HSD11B2: variants seen among roughly 807,000 people sequenced by gnomAD.
HSD11B2 encodes 11-beta-hydroxysteroid dehydrogenase type 2.
In HSD11B2, 17 loss-of-function variants were observed where a neutral mutation model predicts 20.9. The ratio of observed to expected loss-of-function variants is 0.81; its 90% CI spans 0.56 to 1.22. The LOEUF is 1.22. HSD11B2 is among the 50% of genes most tolerant of loss of function. HSD11B2 has a pLI of 0.00. For missense variants in HSD11B2, 480 were observed against 563.6 expected (o/e 0.85, Z 1.50); for synonymous variants, 253 against 255.4 (o/e 0.99, Z 0.09).
chr16:67,433,657 C>T (rs772727970), intron 1 of HSD11B2, among the ~76,000 whole-genome samples: 4 of 151,076 alleles, frequency 2.6e-5, no homozygotes, highest in African/African-American at 7.3e-5. Flanking sequence ...GAGGGGGACC[C>T]GGACAAGTGC....
chr16:67,435,975 A>G lies in HSD11B2; in HGVS notation c.497A>G (p.Asn166Ser), dbSNP rs1394390392. ...ACCCCAGGCCTGTGGGGCCTCGTCA[A>G]CAACGCAGGCCACAATGAAGTAGTT... ...TTSTGLWGLV[N>S]NAGHNEVVAD... Residue 166 changes from asparagine (N) to serine (S), a missense_variant, in exon 3 of 5, where the codon AAC becomes AGC. Physicochemically the swap from Asn to Ser is conservative, Grantham distance 46. Around this residue, in one of 2 missense-constraint regions of HSD11B2, gnomAD observed 374 missense variants for 480.9 expected, o/e 0.78. Transcript: ENST00000326152. 2 of 1,614,194 alleles carry G rather than the reference A, an allele frequency of 1.2e-6. No individual in the cohort carries two copies. The highest frequency in any genetic ancestry group is 1.7e-6 in the Non-Finnish European group (2 of 1,180,022).
rs1304261961 is a variant in HSD11B2, at chr16:67,437,031, G to A, written c.*28G>A. ...CATGTGCACCTATGGCCCAGCCACT[G>A]CAGCACAGGAGGCTCCGTGAGCCCT... On this transcript the variant is annotated 3_prime_UTR_variant, in exon 5 of 5. Coordinates refer to ENST00000326152, the MANE Select transcript of HSD11B2 (RefSeq NM_000196.4). The A allele has an allele frequency of 6.2e-7, 1 of 1,602,414 alleles. No individual in the cohort carries two copies. Among genetic ancestry groups the A allele is most frequent in the Non-Finnish European group, 8.5e-7 (1 of 1,178,518 alleles).
rs767338144 is a variant in HSD11B2 at position 67,431,484 on chromosome 16, C to A, written c.236C>A (p.Pro79Gln). 3.6e-6 allele frequency: 5 copies of A among 1,398,610 alleles called. No homozygotes were observed. In the South Asian group the frequency reaches 7.7e-5, roughly 21 times the overall value. 86.6% of individuals were successfully genotyped at this position (1,398,610 alleles called of 1,614,324 possible). ...CGCCTGGCGCGCCCGCAGCGCCTGC[C>A]GGTGGCCACTCGCGCGGTGCTCATC... ...LSRLARPQRL[P>Q]VATRAVLITG... Residue 79 changes from proline to glutamine, a missense_variant, in exon 1 of 5, where the codon CCG becomes CAG. Transcript: ENST00000326152.
At chr16:67,431,114 G>A (rs56265397), upstream of HSD11B2, 2,228 of 288,802 alleles carry the variant, frequency 7.7e-3, 16 homozygotes, top group South Asian at 9.6e-3. Flanking sequence ...GCCCGAGGGC[G>A]AGCAGAGAAA....
At position 67,436,110 on chromosome 16, in the gene HSD11B2, G is replaced by C; in HGVS notation, c.632G>C (p.Arg211Thr). The C allele has an allele frequency of 6.2e-7, 1 of 1,614,018 alleles. No homozygotes were observed. Among genetic ancestry groups the C allele is most frequent in the Non-Finnish European group, 8.5e-7 (1 of 1,179,988 alleles). The change falls in exon 3 of 5, where the codon AGG becomes ACG. Residue 211 changes from arginine to threonine, a missense_variant. Arg to Thr is a moderately conservative substitution (Grantham distance 71). Around this residue, in one of 2 missense-constraint regions of HSD11B2, gnomAD observed 374 missense variants for 480.9 expected, o/e 0.78. Transcript: ENST00000326152. The surrounding 1 kb of genome is among the most constrained non-coding windows in gnomAD (Gnocchi z 5.7). ...CTCCTGCCCCTGCTGCGCAGCTCAAGGGGCCGCATCGTGACTGTGGGGAGC... is the reference window on the plus strand; with the variant it reads ...CTCCTGCCCCTGCTGCGCAGCTCAACGGGCCGCATCGTGACTGTGGGGAGC... ...KGLLPLLRSS[R>T]GRIVTVGSPA...
At chr16:67,430,635 G>GGCGGCA (rs993436145), upstream of HSD11B2, 55 of 154,152 alleles carry the variant, frequency 3.6e-4, no homozygotes, top group East Asian at 3.3e-3. This position sits in a 1 kb window ranked among gnomAD's most constrained non-coding sequence, Gnocchi z 5.4. Flanking sequence ...TACGGGCGCG[G>GGCGGCA]GCGGCAGCGG....
At position 67,436,084 on chromosome 16, in the gene HSD11B2, C is replaced by T; in HGVS notation, c.606C>T (p.Gly202=). The part of the protein sequence containing the change: ...NFFGALELTK[G]LLPLLRSSRG... ...TTGGCGCGCTCGAGCTGACCAAGGG[C>T]CTCCTGCCCCTGCTGCGCAGCTCAA... The change falls in exon 3 of 5, where the codon GGC becomes GGT. Residue 202 remains glycine, a synonymous_variant. Transcript: ENST00000326152. The surrounding 1 kb of genome is among the most constrained non-coding windows in gnomAD (Gnocchi z 5.7). 1 of 1,614,186 alleles carries T rather than the reference C, an allele frequency of 6.2e-7. No homozygotes were observed. The highest frequency in any genetic ancestry group is 8.5e-7 in the Non-Finnish European group (1 of 1,180,040).
Position 67,431,429 on chromosome 16 carries a change from C to A in HSD11B2, c.181C>A (p.Leu61Met), listed in dbSNP as rs1264249559. The change falls in exon 1 of 5, where the codon CTG becomes ATG. Residue 61 changes from leucine (L) to methionine (M), a missense_variant. Coordinates refer to ENST00000326152, the MANE Select transcript of HSD11B2 (RefSeq NM_000196.4). ...LLPPPAALAV[L>M]AAAGWIALSR... ...GCCCCCGCCGGCCGCACTCGCCGTGCTGGCCGCCGCCGGCTGGATCGCGTT... is the reference window on the plus strand; with the variant it reads ...GCCCCCGCCGGCCGCACTCGCCGTGATGGCCGCCGCCGGCTGGATCGCGTT... 1 of 1,324,394 alleles carries A rather than the reference C, an allele frequency of 7.6e-7. No individual in the cohort carries two copies. The highest frequency in any genetic ancestry group is 9.6e-7 in the Non-Finnish European group (1 of 1,038,700). The allele number at this position is 1,324,394 out of a possible 1,614,324, so 82.0% of individuals were successfully genotyped here.
intron 1 of HSD11B2, among the ~76,000 whole-genome samples, chr16:67,433,708 A>G (rs1006327554): frequency 2.1e-5 from 3 of 141,554 alleles, no homozygotes; most frequent in Admixed American, 1.3e-4. Context: ...ACACACACAC[A>G]CACACACACA....
rs56357642 is a variant in HSD11B2, at chr16:67,437,069, G to A, written c.*66G>A. On this transcript the variant is annotated 3_prime_UTR_variant, in exon 5 of 5. Transcript: ENST00000326152. ...CTCCGTGAGCCCTTGGTTCCTCCCCGAAAACCCCCAGCATTACGATCCCCC... is the reference window on the plus strand; with the variant it reads ...CTCCGTGAGCCCTTGGTTCCTCCCCAAAAACCCCCAGCATTACGATCCCCC... 9.3e-6 allele frequency: 14 copies of A among 1,507,230 alleles called. No homozygotes were observed. Among genetic ancestry groups the A allele is most frequent in the African/African-American group, 8.2e-5 (6 of 72,830 alleles). 93.4% of individuals were successfully genotyped at this position (1,507,230 alleles called of 1,614,324 possible).
Position 67,436,688 on chromosome 16 carries a change from G to A in HSD11B2, c.903G>A (p.Glu301=), listed in dbSNP as rs2040977202. 4 of 1,614,186 alleles carry A rather than the reference G, an allele frequency of 2.5e-6. No homozygotes were observed. Among genetic ancestry groups the A allele is most frequent in the African/African-American group, 1.3e-5 (1 of 75,054 alleles). Residue 301 remains glutamate, a synonymous_variant, in exon 5 of 5, where the codon GAG becomes GAA. Coordinates refer to ENST00000326152, the MANE Select transcript of HSD11B2 (RefSeq NM_000196.4). The surrounding 1 kb of genome is among the most constrained non-coding windows in gnomAD (Gnocchi z 5.7). ...AGGCCTACGGCAAGGACTACATCGA[G>A]CACTTGCATGGGCAGTTCCTGCACT... ...LLQAYGKDYI[E]HLHGQFLHSL... is the part of the protein sequence containing the mutation.
Sources: gnomAD v4.1 joint callset for allele counts (sites outside exome capture counted in the v4.1 genomes callset) on GRCh38, gnomAD v4.1.1 for gene constraint, gnomAD v4.1.1 regional missense constraint, Gnocchi (gnomAD v3.1) non-coding constraint, MANE v1.5 for transcripts, NCBI Gene and HGNC (gene_info 2026-07-23, HGNC 2026-07-21) for gene names.